TBC1D22A: variants seen among roughly 807,000 people sequenced by gnomAD.
TBC1D22A encodes putative GTPase activator.
TBC1D22A carries 38 observed loss-of-function variants against 60.2 expected under a neutral mutation model. That is an observed-to-expected ratio of 0.63 (90% CI 0.49 to 0.83). The LOEUF is 0.83. Ranked by LOEUF, TBC1D22A falls within the 40% of genes least tolerant of loss-of-function variation. The pLI is 0.00. For synonymous variants in TBC1D22A, 302 were observed against 281.7 expected (o/e 1.07, Z -0.72); for missense variants, 628 against 701.0 (o/e 0.90, Z 1.18).
intron 4 of TBC1D22A, among the ~76,000 whole-genome samples, chr22:46,802,030 G>A (rs1472972549): frequency 6.6e-6 from 1 of 152,244 alleles, no homozygotes; most frequent in Admixed American, 6.5e-5. Flanking sequence ...CTTGGAGTAG[G>A]CCCTCAGTGT....
At chr22:47,017,171 G>T (rs34220811) in intron 10 of TBC1D22A, among the ~76,000 whole-genome samples, 36,618 of 152,152 alleles carry the variant, frequency 0.24, 4,735 homozygotes, top group East Asian at 0.29. Context: ...CAAGCTTGGT[G>T]CGGGAGACCT....
At chr22:46,938,393 A>C (rs145826167) in intron 8 of TBC1D22A, among the ~76,000 whole-genome samples, 1 of 152,304 alleles carries the variant, frequency 6.6e-6, no homozygotes, top group African/African-American at 2.4e-5. Flanking sequence ...GCTTCGCTCT[A>C]GGTGTGTGTA....
intron 4 of TBC1D22A, among the ~76,000 whole-genome samples, chr22:46,824,476 G>A (rs568818729): frequency 1.3e-5 from 2 of 152,344 alleles, no homozygotes; most frequent in South Asian, 4.1e-4. Context: ...GGAGCTTGGA[G>A]GCGAGCGAGG....
chr22:47,166,339 G>T (rs1030208612), intron 12 of TBC1D22A, among the ~76,000 whole-genome samples: 1 of 152,176 alleles, frequency 6.6e-6, no homozygotes, highest in Admixed American at 6.5e-5. Flanking sequence ...ACATAGGAAC[G>T]TGAAAACAAA....
chr22:46,886,101 G>A lies in TBC1D22A; in HGVS notation c.709-5165G>A, dbSNP rs370466355. Among the ~76,000 whole-genome samples the A allele has an allele frequency of 2.6e-4, 40 of 152,010 alleles. 1 individual carries two copies. In the South Asian group the frequency reaches 6.7e-3, roughly 25 times the overall value. Reference sequence around the variant, plus strand: ...TTTTTGTGTTTTTAGTATTTTCACCGTGTTAGCCAGGATGGTCTCAATCTC... The same window carrying A: ...TTTTTGTGTTTTTAGTATTTTCACCATGTTAGCCAGGATGGTCTCAATCTC... On this transcript the variant is annotated intron_variant, in intron 5 of 12. Coordinates refer to ENST00000337137, the MANE Select transcript of TBC1D22A (RefSeq NM_014346.5).
chr22:47,002,253 A>G (rs2061430789), intron 10 of TBC1D22A, among the ~76,000 whole-genome samples: 1 of 152,244 alleles, frequency 6.6e-6, no homozygotes, highest in Admixed American at 6.5e-5. Flanking sequence ...GTGAATCCTA[A>G]TGACGTCCCC....
At chr22:46,853,703 C>T (rs2087412626) in intron 4 of TBC1D22A, among the ~76,000 whole-genome samples, 1 of 152,176 alleles carries the variant, frequency 6.6e-6, no homozygotes, top group African/African-American at 2.4e-5. Flanking sequence ...TTAATTAATT[C>T]AGTTTTATAG....
chr22:47,066,918 A>G (rs2063791700), intron 11 of TBC1D22A, among the ~76,000 whole-genome samples: 3 of 152,144 alleles, frequency 2.0e-5, no homozygotes, highest in African/African-American at 7.2e-5. Context: ...TTGACTCCCC[A>G]CAGACTCTGT....
chr22:46,878,345 G>GGGGAGAGA (rs1569164088), intron 4 of TBC1D22A, among the ~76,000 whole-genome samples: 4 of 147,516 alleles, frequency 2.7e-5, no homozygotes, highest in East Asian at 2.0e-4. Flanking sequence ...GAGGTGGGAG[G>GGGGAGAGA]GAAGGAGGCC....
At chr22:47,124,800 C>T (rs2066396125) in intron 12 of TBC1D22A, among the ~76,000 whole-genome samples, 1 of 151,944 alleles carries the variant, frequency 6.6e-6, no homozygotes, top group South Asian at 2.1e-4. Context: ...TGGGCTCCAC[C>T]GAGGTCCGCC....
intron 4 of TBC1D22A, among the ~76,000 whole-genome samples, chr22:46,828,843 G>A (rs1017789972): frequency 2.0e-5 from 3 of 152,170 alleles, no homozygotes; most frequent in South Asian, 2.1e-4. Flanking sequence ...ACAGATACAC[G>A]CCCTCACGTT....
intron 4 of TBC1D22A, among the ~76,000 whole-genome samples, chr22:46,812,338 G>A (rs1007445589): frequency 7.2e-5 from 11 of 152,194 alleles, no homozygotes; most frequent in South Asian, 2.1e-4. Context: ...CCCCCTGTGG[G>A]CACAGCAGGC....
intron 12 of TBC1D22A, among the ~76,000 whole-genome samples, chr22:47,136,870 C>T (rs572087593): frequency 5.9e-5 from 9 of 152,064 alleles, no homozygotes; most frequent in Non-Finnish European, 1.2e-4. Flanking sequence ...GATGTGTACT[C>T]GCCCCCTCTC....
At chr22:46,957,428 C>CT (rs1277962188) in intron 8 of TBC1D22A, among the ~76,000 whole-genome samples, 1 of 152,214 alleles carries the variant, frequency 6.6e-6, no homozygotes, top group Non-Finnish European at 1.5e-5. Context: ...ATCTTCTTCA[C>CT]AAGGCAGCAG....
At chr22:46,893,214 T>C (rs1296081498) in intron 6 of TBC1D22A, among the ~76,000 whole-genome samples, 3 of 152,244 alleles carry the variant, frequency 2.0e-5, no homozygotes, top group Non-Finnish European at 4.4e-5. Flanking sequence ...CTGCTGAAGA[T>C]GCTGTGTCAA....
intron 11 of TBC1D22A, among the ~76,000 whole-genome samples, chr22:47,100,742 C>T (rs2065382732): frequency 6.6e-6 from 1 of 152,214 alleles, no homozygotes; most frequent in African/African-American, 2.4e-5. Flanking sequence ...GATTAAACCT[C>T]TTTCTTTTGT....
chr22:46,907,738 T>G (rs764412700), intron 7 of TBC1D22A, among the ~76,000 whole-genome samples: 55 of 152,190 alleles, frequency 3.6e-4, no homozygotes, highest in Non-Finnish European at 6.3e-4. Context: ...GAGGAAACCC[T>G]TCCCAGGGAC....
At chr22:47,020,072 G>A (rs537120348) in intron 10 of TBC1D22A, among the ~76,000 whole-genome samples, 15 of 151,940 alleles carry the variant, frequency 9.9e-5, no homozygotes, top group Admixed American at 7.2e-4. Context: ...TCCATCCATC[G>A]ATCCATCCAT....
intron 12 of TBC1D22A, among the ~76,000 whole-genome samples, chr22:47,118,936 G>A (rs1488112066): frequency 6.6e-6 from 1 of 152,216 alleles, no homozygotes; most frequent in Non-Finnish European, 1.5e-5. Flanking sequence ...TGATCATGAG[G>A]TCAGGAGACT....
Sources: allele counts gnomAD v4.1 joint callset (sites outside exome capture counted in the v4.1 genomes callset), GRCh38; gene constraint gnomAD v4.1.1; transcripts MANE v1.5; gene names NCBI Gene and HGNC (gene_info 2026-07-23, HGNC 2026-07-21).